The following PAH variants were observed in gnomAD, a reference collection of about 807,000 sequenced individuals.
PAH encodes the protein phenylalanine-4-hydroxylase.
Under a neutral mutation model 62.0 loss-of-function variants are expected in PAH, and 64 were observed. That is an observed-to-expected ratio of 1.03 (90% CI 0.84 to 1.27). The LOEUF is 1.27. Among genes scored for constraint, PAH ranks in the 50% most tolerant of loss-of-function variants. The pLI is 0.00. For synonymous variants in PAH, 195 were observed against 196.2 expected (o/e 0.99, Z 0.05); for missense variants, 579 against 542.8 (o/e 1.07, Z -0.66).
chr12:102,931,651 T>C (rs1878879883), intron 1 of PAH, among the ~76,000 whole-genome samples: 1 of 151,902 alleles, frequency 6.6e-6, no homozygotes, highest in South Asian at 2.1e-4. Flanking sequence ...TCTCCTTGCC[T>C]ACCTTCCCTG....
At position 102,898,512 on chromosome 12, in the gene PAH, A is replaced by G. The variant is rs1877603225; in HGVS notation, c.169-3594T>C. On this transcript the variant is annotated intron_variant, in intron 2 of 12. Transcript: ENST00000553106. ...AACTCTAAAATTTCAAAAAATTAAA[A>G]TTCACTGAACTTGTAGTTGAAGAGG... 2.0e-5 allele frequency among the ~76,000 whole-genome samples: 3 copies of G among 152,250 alleles called. No individual in the cohort carries two copies. The South Asian group carries it at 6.2e-4, about 32-fold the overall frequency.
intron 1 of PAH, chr12:102,913,797 C>G: frequency 1.4e-6 from 1 of 702,022 alleles, no homozygotes; most frequent in Non-Finnish European, 2.6e-6. Context: ...GGATCTAGCA[C>G]TTACTACATG....
intron 8 of PAH, 99 bp from the exon 9 acceptor site, chr12:102,847,050 C>A (rs758670608): frequency 4.4e-6 from 4 of 899,186 alleles, no homozygotes; most frequent in Non-Finnish European, 7.5e-6. Context: ...TGGCCAGATG[C>A]CTTCAGAACA....
intron 1 of PAH, among the ~76,000 whole-genome samples, chr12:102,916,085 G>A (rs928201775): frequency 2.0e-5 from 3 of 151,984 alleles, no homozygotes; most frequent in Admixed American, 6.6e-5. Context: ...TGACTCTCAC[G>A]CTGTTCCTCT....
At chr12:102,899,519 A>C (rs139730988) in intron 2 of PAH, among the ~76,000 whole-genome samples, 3,912 of 152,312 alleles carry the variant, frequency 0.026, 80 homozygotes, top group South Asian at 0.047. Flanking sequence ...GGAATGATGA[A>C]GTGGACTGTG....
intron 6 of PAH, chr12:102,853,423 A>G (rs981034857): frequency 1.1e-4 from 26 of 231,940 alleles, no homozygotes; most frequent in African/African-American, 5.2e-4. Flanking sequence ...AGTCTACCCC[A>G]TAAGTAGCAG....
At chr12:102,868,614 G>T (rs1308929225) in intron 4 of PAH, among the ~76,000 whole-genome samples, 1 of 151,724 alleles carries the variant, frequency 6.6e-6, no homozygotes, top group Non-Finnish European at 1.5e-5. Context: ...AACTACTGTT[G>T]TGCCTCGTTT....
intron 11 of PAH, among the ~76,000 whole-genome samples, chr12:102,842,049 T>C (rs994787460): frequency 3.3e-5 from 5 of 152,228 alleles, no homozygotes; most frequent in Non-Finnish European, 5.9e-5. Context: ...CTCAGCAGAA[T>C]GGGGTTTTCA....
At chr12:102,852,586 A>G (rs1394716740) in intron 7 of PAH, among the ~76,000 whole-genome samples, 5 of 152,174 alleles carry the variant, frequency 3.3e-5, no homozygotes, top group Non-Finnish European at 7.3e-5. Flanking sequence ...CTGCCAAGGG[A>G]GTTCTGAGTT....
chr12:102,939,044 C>T (rs1283524314), intron 1 of PAH, among the ~76,000 whole-genome samples: 1 of 151,934 alleles, frequency 6.6e-6, no homozygotes, highest in Non-Finnish European at 1.5e-5. Flanking sequence ...CTCACATATC[C>T]AACATGCCTC....
chr12:102,874,536 G>C (rs184495280), intron 4 of PAH, among the ~76,000 whole-genome samples: 94 of 152,258 alleles, frequency 6.2e-4, no homozygotes, highest in African/African-American at 2.2e-3. Flanking sequence ...GCCCTCATAC[G>C]GTGGTGATAA....
At chr12:102,852,043 C>T (rs1379511716) in intron 7 of PAH, 2 of 423,344 alleles carry the variant, frequency 4.7e-6, no homozygotes, top group Non-Finnish European at 8.8e-6. Context: ...AGCTAATATT[C>T]CTGTGGACAT....
intron 2 of PAH, among the ~76,000 whole-genome samples, chr12:102,907,251 A>G (rs1410894021): frequency 6.6e-6 from 1 of 152,226 alleles, no homozygotes; most frequent in Non-Finnish European, 1.5e-5. Context: ...CCCAAGAATG[A>G]GAGACTGGGA....
At chr12:102,891,696 G>A (rs896843555) in intron 3 of PAH, among the ~76,000 whole-genome samples, 1 of 152,278 alleles carries the variant, frequency 6.6e-6, no homozygotes, top group South Asian at 2.1e-4. Flanking sequence ...CACACCGAGT[G>A]TGGTCGCCGT....
At chr12:102,861,075 A>G (rs935802870) in intron 5 of PAH, among the ~76,000 whole-genome samples, 13 of 152,240 alleles carry the variant, frequency 8.5e-5, no homozygotes, top group Non-Finnish European at 1.5e-4. Context: ...AAATTTTTGC[A>G]ATCTACTCAT....
intron 3 of PAH, among the ~76,000 whole-genome samples, chr12:102,891,151 A>C (rs1163566338): frequency 6.6e-6 from 1 of 152,178 alleles, no homozygotes; most frequent in Non-Finnish European, 1.5e-5. Context: ...ACATGAGTGG[A>C]GAACAGGCGG....
chr12:102,843,750 G>C lies in PAH; in HGVS notation c.1095C>G (p.Leu365=), dbSNP rs747661840. The C allele has an allele frequency of 4.8e-5, 78 of 1,613,834 alleles. No individual in the cohort carries two copies. Among genetic ancestry groups the C allele is most frequent in the Non-Finnish European group, 6.5e-5 (77 of 1,179,830 alleles). The change falls in exon 11 of 13, where the codon CTC becomes CTG. Residue 365 remains leucine, a synonymous_variant. Transcript: ENST00000553106. ...TGGCTGTCTTCTCCAGCTCCAGGGG[G>C]AGAAGCTTTGGCTTCTCTGATAAGC... ...QYCLSEKPKL[L]PLELEKTAIQ...
upstream of PAH, among the ~76,000 whole-genome samples, chr12:102,954,503 T>C (rs1441550002): frequency 6.6e-6 from 1 of 152,194 alleles, no homozygotes; most frequent in Non-Finnish European, 1.5e-5. Context: ...CTCACAACTC[T>C]TGGAGGTAGA....
intron 4 of PAH, among the ~76,000 whole-genome samples, chr12:102,868,009 TACATATA>T (rs1876082233): frequency 3.5e-5 from 5 of 142,288 alleles, no homozygotes; most frequent in South Asian, 2.2e-4. Context: ...TATATGTATA[TACATATA>T]TACATATATA....
Sources: allele counts gnomAD v4.1 joint callset (sites outside exome capture counted in the v4.1 genomes callset), GRCh38; gene constraint gnomAD v4.1.1; transcripts MANE v1.5; gene names NCBI Gene and HGNC (gene_info 2026-07-23, HGNC 2026-07-21).